PDE1C: variants seen among roughly 807,000 people sequenced by gnomAD.
The protein encoded by PDE1C is dual specificity calcium/calmodulin-dependent 3',5'-cyclic nucleotide phosphodiesterase 1C.
PDE1C carries 62 observed loss-of-function variants against 93.1 expected under a neutral mutation model. The observed-to-expected ratio is 0.67, with a 90% CI of 0.54 to 0.82. The LOEUF (loss-of-function observed/expected upper bound fraction) is 0.82, where lower values mean the gene tolerates loss of function less well. Among genes scored for constraint, PDE1C ranks in the 40% least tolerant of loss-of-function variants. The pLI, the probability that PDE1C is intolerant of heterozygous loss-of-function variation, is 0.00. For synonymous variants in PDE1C, 325 were observed against 310.1 expected, an observed-to-expected ratio of 1.05 and a Z score of -0.50; for missense variants, 742 against 884.6, an observed-to-expected ratio of 0.84 and a Z score of 2.04.
intron 1 of PDE1C, among the ~76,000 whole-genome samples, chr7:32,232,278 C>T (rs746018722): frequency 3.8e-4 from 58 of 152,254 alleles, no homozygotes; most frequent in Admixed American, 3.9e-4. Flanking sequence ...GTGAATCCTT[C>T]CAGTTATGGA....
intron 2 of PDE1C, among the ~76,000 whole-genome samples, chr7:32,205,710 T>C (rs1805404151): frequency 6.6e-6 from 1 of 152,204 alleles, no homozygotes; most frequent in East Asian, 1.9e-4. Flanking sequence ...GCACTACCTT[T>C]ATGAGCTGTA....
intron 1 of PDE1C, among the ~76,000 whole-genome samples, chr7:32,417,946 A>G (rs78679232): frequency 0.017 from 2,552 of 152,262 alleles, 79 homozygotes; most frequent in African/African-American, 0.058. Flanking sequence ...AAATATTATA[A>G]AATGTACTTC....
At chr7:31,997,531 C>T (rs1044570523) in intron 2 of PDE1C, among the ~76,000 whole-genome samples, 2 of 152,112 alleles carry the variant, frequency 1.3e-5, no homozygotes, top group African/African-American at 2.4e-5. Context: ...GCTTGGAGAA[C>T]CTGGGGGGAT....
chr7:32,215,382 A>G (rs1424249848), intron 1 of PDE1C, among the ~76,000 whole-genome samples: 2 of 152,206 alleles, frequency 1.3e-5, no homozygotes, highest in South Asian at 4.1e-4. Flanking sequence ...CTGGTGCCAT[A>G]AAGGTTGAGA....
chr7:32,185,915 G>A (rs903024425), intron 2 of PDE1C, among the ~76,000 whole-genome samples: 1 of 152,166 alleles, frequency 6.6e-6, no homozygotes, highest in Non-Finnish European at 1.5e-5. Flanking sequence ...TCACTGGACC[G>A]TGCTAGTCTA....
At chr7:31,898,326 A>C (rs1386857331) in intron 2 of PDE1C, among the ~76,000 whole-genome samples, 1 of 152,112 alleles carries the variant, frequency 6.6e-6, no homozygotes, top group Non-Finnish European at 1.5e-5. Context: ...TATTAACATA[A>C]AATGTTTATA....
In PDE1C at chr7:32,419,575, G is replaced by T. The variant is rs1246577592; in HGVS notation, c.310+8247C>A. Among the ~76,000 whole-genome samples, 3 of 152,106 alleles carry T rather than the reference G, an allele frequency of 2.0e-5. No homozygotes were observed. In the East Asian group the frequency reaches 5.8e-4, roughly 29 times the overall value. ...TGGCAGTGAGTGGAGGGCACGGCAG[G>T]CTCCTGCTACTTCTAGACTAAAGAA... On this transcript the variant is annotated intron_variant, in intron 1 of 1. Transcript: ENST00000672256.
chr7:32,015,907 T>C (rs1787837377), intron 2 of PDE1C, among the ~76,000 whole-genome samples: 1 of 152,132 alleles, frequency 6.6e-6, no homozygotes, highest in African/African-American at 2.4e-5. Flanking sequence ...GAGGCAGGAC[T>C]AGACTCCAGA....
intron 3 of PDE1C, among the ~76,000 whole-genome samples, chr7:32,166,432 T>A (rs1562539936): frequency 1.3e-5 from 2 of 152,108 alleles, no homozygotes; most frequent in Admixed American, 1.3e-4. Flanking sequence ...TGGGCAGCCA[T>A]GAGGAGACCT....
At position 32,153,517 on chromosome 7, in the gene PDE1C, T is replaced by G. The variant is rs149012725; in HGVS notation, c.308+16268A>C. On this transcript the variant is annotated intron_variant, in intron 3 of 18. Coordinates refer to the PDE1C transcript ENST00000396193. ...AAGGGGGAGCCTGGAACAAGCAGAG[T>G]GGGGGTTCTCAGCCCTGCTGCATGG... Among the ~76,000 whole-genome samples the G allele has an allele frequency of 7.0e-3, 1,059 of 151,758 alleles. 9 individuals are homozygous for G. The highest frequency in any genetic ancestry group is 0.024 in the Middle Eastern group (7 of 294).
chr7:31,717,854 C>T, the PDE1C span, among the ~76,000 whole-genome samples: 480 of 152,090 alleles, frequency 3.2e-3, 2 homozygotes, highest in African/African-American at 0.011. Flanking sequence ...AGGTGATCTC[C>T]GCCCTGGGCC....
chr7:31,851,141 A>G (rs2128802688), intron 7 of PDE1C, among the ~76,000 whole-genome samples: 1 of 152,014 alleles, frequency 6.6e-6, no homozygotes, highest in East Asian at 1.9e-4. Flanking sequence ...AAGAATGAAG[A>G]GTAATAGAAA....
At chr7:31,891,351 C>T (rs1293770028) in intron 2 of PDE1C, among the ~76,000 whole-genome samples, 1 of 152,016 alleles carries the variant, frequency 6.6e-6, no homozygotes. Flanking sequence ...CAATCTCTGC[C>T]CCACCTAGAA....
intron 1 of PDE1C, among the ~76,000 whole-genome samples, chr7:32,406,453 T>C (rs868591057): frequency 1.0e-4 from 15 of 149,804 alleles, no homozygotes; most frequent in Admixed American, 2.7e-4. Context: ...AGGAAAAAAA[T>C]GCTACTGAAA....
chr7:31,777,263 C>G lies in PDE1C; in HGVS notation c.1892-1531G>C, dbSNP rs924614351. ...GTGGGAGAGCGGTAAGCTTTCCCTA[C>G]CCCAGAATCCCTGGGGAAGAGTGGA... On this transcript the variant is annotated intron_variant, in intron 16 of 17. Coordinates refer to ENST00000396191, the MANE Select transcript of PDE1C (RefSeq NM_001191057.4). 4.6e-5 allele frequency among the ~76,000 whole-genome samples: 7 copies of G among 152,158 alleles called. 1 individual carries two copies. In the South Asian group the frequency reaches 1.5e-3, roughly 32 times the overall value.
intron 2 of PDE1C, among the ~76,000 whole-genome samples, chr7:31,998,452 T>C (rs1057115120): frequency 1.3e-5 from 2 of 152,232 alleles, no homozygotes; most frequent in Admixed American, 6.5e-5. Flanking sequence ...GCATTTATTA[T>C]GTCAATTAAT....
intron 2 of PDE1C, among the ~76,000 whole-genome samples, chr7:32,184,241 A>C (rs937677713): frequency 6.6e-6 from 1 of 152,148 alleles, no homozygotes; most frequent in Non-Finnish European, 1.5e-5. Context: ...TCAGTGTGGC[A>C]ATTCCTCAGG....
intron 5 of PDE1C, 126 bp from the exon 6 acceptor site, chr7:31,873,534 C>T (rs995234371): frequency 1.3e-5 from 8 of 636,656 alleles, no homozygotes; most frequent in African/African-American, 7.4e-5. Flanking sequence ...CTCAAACAGA[C>T]TTTCCACTCT....
the PDE1C span, chr7:31,692,430 C>T: frequency 1.9e-6 from 3 of 1,594,768 alleles, no homozygotes; most frequent in African/African-American, 2.7e-5. Flanking sequence ...TACATCCACC[C>T]ACCCTCCTTT....
Sources: gnomAD v4.1 joint callset for allele counts (sites outside exome capture counted in the v4.1 genomes callset) on GRCh38, gnomAD v4.1.1 for gene constraint, MANE v1.5 for transcripts, NCBI Gene and HGNC (gene_info 2026-07-23, HGNC 2026-07-21) for gene names.